Variants in ZYG11B observed in about 807,000 individuals in gnomAD.
ZYG11B encodes the protein zyg-11 family member B, cell cycle regulator.
A neutral mutation model predicts 82.4 loss-of-function variants in ZYG11B; 36 were observed. That is an observed-to-expected ratio of 0.44 (90% CI 0.33 to 0.58). ZYG11B has a LOEUF of 0.58. ZYG11B is among the 20% of genes least tolerant of loss of function. ZYG11B has a pLI of 0.02. For missense variants in ZYG11B, 552 were observed against 895.6 expected (o/e 0.62, Z 4.90); for synonymous variants, 303 against 312.8 (o/e 0.97, Z 0.33).
At chr1:52,751,263 A>G (rs1458014387) in intron 1 of ZYG11B, among the ~76,000 whole-genome samples, 1 of 133,634 alleles carries the variant, frequency 7.5e-6, no homozygotes, top group Non-Finnish European at 1.6e-5. Flanking sequence ...CATCACGCCC[A>G]CCCCATCCCA....
chr1:52,815,700 C>T lies in ZYG11B; in HGVS notation c.1947-832C>T, dbSNP rs961530745. 2.6e-5 allele frequency among the ~76,000 whole-genome samples: 4 copies of T among 151,742 alleles called. No homozygotes were observed. The East Asian group carries it at 5.8e-4, about 22-fold the overall frequency. ...CTGTAATCCCAGCACTTTGGGAGGC[C>T]GAGGCGGGCAGATCACGAGGTCAGG... On this transcript the variant is annotated intron_variant, in intron 12 of 13. Transcript: ENST00000294353.
Position 52,726,694 on chromosome 1 carries a change from A to G in ZYG11B, c.30+11A>G. ...GCCGGCGCAGCCATGGTGAGGGAGC[A>G]AGGCCTGCCCTAGCCGCAGCCGCCC... On this transcript the variant is annotated intron_variant, in intron 1 of 13. Coordinates refer to ENST00000294353, the MANE Select transcript of ZYG11B (RefSeq NM_024646.3). The G allele has an allele frequency of 2.0e-6, 3 of 1,477,328 alleles. No homozygotes were observed. Among genetic ancestry groups the G allele is most frequent in the Non-Finnish European group, 2.7e-6 (3 of 1,120,294 alleles). The allele number at this position is 1,477,328 out of a possible 1,614,324, so 91.5% of individuals were successfully genotyped here.
chr1:52,752,325 G>T (rs1644533062), intron 1 of ZYG11B, among the ~76,000 whole-genome samples: 1 of 152,174 alleles, frequency 6.6e-6, no homozygotes, highest in South Asian at 2.1e-4. Context: ...CAACCTATGG[G>T]GGAAGGAGCT....
Position 52,776,219 on chromosome 1 carries a change from T to TAAAAAA in ZYG11B, c.952-3628_952-3623dup, listed in dbSNP as rs1165031214. 4.9e-4 allele frequency among the ~76,000 whole-genome samples: 21 copies of TAAAAAA among 42,488 alleles called. 1 individual carries two copies. The highest frequency in any genetic ancestry group is 1.3e-3 in the African/African-American group (17 of 13,510). 27.9% of individuals were successfully genotyped at this position (42,488 alleles called of 152,430 possible). On this transcript the variant is annotated intron_variant, in intron 3 of 13. Transcript: ENST00000294353. ...GAACAACAAGAGCAAAACTCTGTCT[T>TAAAAAA]AAAAAAAAAAATATATATATATATA...
chr1:52,752,417 C>A (rs1234779063), intron 1 of ZYG11B, among the ~76,000 whole-genome samples: 1 of 152,160 alleles, frequency 6.6e-6, no homozygotes, highest in Non-Finnish European at 1.5e-5. Context: ...ACTTTCCAAA[C>A]CCCATTTTTG....
intron 1 of ZYG11B, among the ~76,000 whole-genome samples, chr1:52,749,534 G>T (rs1558120484): frequency 6.6e-6 from 1 of 152,208 alleles, no homozygotes; most frequent in Non-Finnish European, 1.5e-5. Flanking sequence ...CTGGGGAATA[G>T]AGGAGGGAAT....
At chr1:52,744,851 T>A (rs564579617) in intron 1 of ZYG11B, among the ~76,000 whole-genome samples, 2 of 151,916 alleles carry the variant, frequency 1.3e-5, no homozygotes, top group Non-Finnish European at 2.9e-5. Context: ...AAAAAAAAAA[T>A]ATATTTCTAG....
intron 10 of ZYG11B, 43 bp from the exon 11 acceptor site, chr1:52,813,493 A>G (rs751517267): frequency 2.8e-6 from 4 of 1,451,046 alleles, no homozygotes; most frequent in Non-Finnish European, 2.8e-6. Flanking sequence ...ACCATTTACT[A>G]TACATATTAC....
chr1:52,726,570 C>T lies in ZYG11B; in HGVS notation c.-84C>T. The T allele has an allele frequency of 7.7e-7, 1 of 1,303,956 alleles. No individual in the cohort carries two copies. The highest frequency in any genetic ancestry group is 9.8e-7 in the Non-Finnish European group (1 of 1,022,990). 80.8% of individuals were successfully genotyped at this position (1,303,956 alleles called of 1,614,324 possible). On this transcript the variant is annotated 5_prime_UTR_variant, in exon 1 of 14. Coordinates refer to ENST00000294353, the MANE Select transcript of ZYG11B (RefSeq NM_024646.3). ...GGCCAAGCCCGGAGCCGCCGCTCGCCGGAGCCTCCTGGAGCCTCCGCGCCG... is the reference window on the plus strand; with the variant it reads ...GGCCAAGCCCGGAGCCGCCGCTCGCTGGAGCCTCCTGGAGCCTCCGCGCCG...
rs11446988 is a variant in ZYG11B, at chr1:52,746,687, G to GTTTTTTTTTTTTTTTTTT, written c.31-9761_31-9744dup. ...ACCAAAAAAATAAAGATCGGCCACT[G>GTTTTTTTTTTTTTTTTTT]TTTTTTTTTTTTTTTTTTTTTTTTT... On this transcript the variant is annotated intron_variant, in intron 1 of 13. Transcript: ENST00000294353. 5.1e-4 allele frequency among the ~76,000 whole-genome samples: 17 copies of GTTTTTTTTTTTTTTTTTT among 33,506 alleles called. 2 individuals carry two copies. The highest frequency in any genetic ancestry group is 8.2e-4 in the East Asian group (1 of 1,220). 22.0% of individuals were successfully genotyped at this position (33,506 alleles called of 152,430 possible). A position where few individuals can be genotyped will look rare whatever the true frequency, so the allele number is the denominator to read the frequency against.
At chr1:52,734,604 C>T (rs1325034586) in intron 1 of ZYG11B, among the ~76,000 whole-genome samples, 3 of 150,384 alleles carry the variant, frequency 2.0e-5, no homozygotes, top group Non-Finnish European at 4.4e-5. Context: ...GAGCCGAGAT[C>T]GCGCCATTGC....
intron 13 of ZYG11B, among the ~76,000 whole-genome samples, chr1:52,817,801 A>ATGTG (rs1373350875): frequency 4.5e-5 from 2 of 44,638 alleles, no homozygotes; most frequent in African/African-American, 1.7e-4. Context: ...ATATATATAT[A>ATGTG]TATATATATA....
intron 4 of ZYG11B, among the ~76,000 whole-genome samples, chr1:52,784,227 A>G (rs894826390): frequency 6.6e-6 from 1 of 152,052 alleles, no homozygotes; most frequent in Non-Finnish European, 1.5e-5. Context: ...CCTGACCTCA[A>G]GTGATCCACC....
intron 1 of ZYG11B, among the ~76,000 whole-genome samples, chr1:52,750,396 C>A (rs1309686140): frequency 6.6e-6 from 1 of 152,026 alleles, no homozygotes; most frequent in Non-Finnish European, 1.5e-5. Context: ...CCTCAGCCTG[C>A]TGAATAGCTG....
At chr1:52,783,928 A>G (rs1388768356) in intron 4 of ZYG11B, among the ~76,000 whole-genome samples, 1 of 142,154 alleles carries the variant, frequency 7.0e-6, no homozygotes. Flanking sequence ...ATATATGTGT[A>G]TATACATCTA....
intron 3 of ZYG11B, among the ~76,000 whole-genome samples, chr1:52,775,389 C>G (rs919349915): frequency 1.3e-5 from 2 of 150,572 alleles, no homozygotes; most frequent in Non-Finnish European, 1.5e-5. Flanking sequence ...CTCAGGAGTT[C>G]AAGACTAGCC....
At chr1:52,773,475 GAAA>G (rs576210679) in intron 3 of ZYG11B, among the ~76,000 whole-genome samples, 1 of 107,524 alleles carries the variant, frequency 9.3e-6, no homozygotes, top group African/African-American at 3.2e-5. Context: ...CTCCGTCTCA[GAAA>G]AAAAAAAAAA....
chr1:52,727,269 G>A (rs1644294317), intron 1 of ZYG11B, among the ~76,000 whole-genome samples: 1 of 152,014 alleles, frequency 6.6e-6, no homozygotes, highest in African/African-American at 2.4e-5. Flanking sequence ...AACAATTTGA[G>A]GACTGTTGCT....
intron 1 of ZYG11B, among the ~76,000 whole-genome samples, chr1:52,744,631 A>G (rs1277418375): frequency 6.6e-6 from 1 of 152,216 alleles, no homozygotes; most frequent in Non-Finnish European, 1.5e-5. Context: ...TCATGAGGTC[A>G]GGAGATCGAG....
Sources: allele counts gnomAD v4.1 joint callset (sites outside exome capture counted in the v4.1 genomes callset), GRCh38; gene constraint gnomAD v4.1.1; transcripts MANE v1.5; gene names NCBI Gene and HGNC (gene_info 2026-07-23, HGNC 2026-07-21).